The following GPC5 variants were observed in gnomAD, a reference collection of about 807,000 sequenced individuals.
GPC5 encodes the protein glypican 5.
In GPC5, 47 loss-of-function variants were observed where a neutral mutation model predicts 53.9. That is an observed-to-expected ratio of 0.87 (90% CI 0.69 to 1.11). The LOEUF (loss-of-function observed/expected upper bound fraction) is 1.11. GPC5 is among the 50% of genes most tolerant of loss of function. The pLI is 0.00. For missense variants in GPC5, 748 were observed against 713.1 expected, an observed-to-expected ratio of 1.05 and a Z score of -0.56; for synonymous variants, 286 against 263.3, an observed-to-expected ratio of 1.09 and a Z score of -0.84.
At chr13:92,738,827 ATATCACCCCCTTGAGAATT>A (rs1279910051) in intron 7 of GPC5, among the ~76,000 whole-genome samples, 1 of 152,086 alleles carries the variant, frequency 6.6e-6, no homozygotes, top group Non-Finnish European at 1.5e-5. Flanking sequence ...CATACGTTGC[ATATCACCCCCTTGAGAATT>A]TACATGCACA....
intron 6 of GPC5, among the ~76,000 whole-genome samples, chr13:92,069,501 A>C (rs1327193721): frequency 6.6e-6 from 1 of 151,882 alleles, no homozygotes; most frequent in Admixed American, 6.6e-5. Flanking sequence ...ATCTATATAC[A>C]AATGCTTTAT....
At position 91,514,334 on chromosome 13, in the gene GPC5, T is replaced by G. The variant is rs1885385279; in HGVS notation, c.325+65412T>G. ...TTGATGTCACTAATTTTATTCTAGC[T>G]AATTTGATAGGTCTACAGTGCTATC... On this transcript the variant is annotated intron_variant, in intron 2 of 7. Transcript: ENST00000377067. Among the ~76,000 whole-genome samples, 4 of 152,322 alleles carry G rather than the reference T, an allele frequency of 2.6e-5. No homozygotes were observed. The South Asian group carries it at 8.3e-4, about 32-fold the overall frequency.
At chr13:92,707,757 T>A (rs1279600285) in intron 7 of GPC5, among the ~76,000 whole-genome samples, 1 of 151,030 alleles carries the variant, frequency 6.6e-6, no homozygotes, top group African/African-American at 2.4e-5. Flanking sequence ...ATACAGTATA[T>A]CTGCTTGGAA....
At chr13:92,313,976 C>T (rs1369752422) in intron 7 of GPC5, among the ~76,000 whole-genome samples, 1 of 151,998 alleles carries the variant, frequency 6.6e-6, no homozygotes, top group Non-Finnish European at 1.5e-5. Context: ...GTCTTGAGGC[C>T]GGTTTCATCA....
intron 7 of GPC5, among the ~76,000 whole-genome samples, chr13:92,383,002 C>CAAAAA (rs57654180): frequency 3.2e-5 from 3 of 94,770 alleles, no homozygotes; most frequent in Non-Finnish European, 4.2e-5. Context: ...GACTCCGTCT[C>CAAAAA]AAAAAAAAAA....
At chr13:92,527,258 A>AGG (rs1881392292) in intron 7 of GPC5, among the ~76,000 whole-genome samples, 1 of 87,248 alleles carries the variant, frequency 1.1e-5, no homozygotes, top group South Asian at 3.5e-4. Flanking sequence ...AGAGAAAGAA[A>AGG]GAAAGAAAGA....
intron 5 of GPC5, among the ~76,000 whole-genome samples, chr13:91,903,970 A>G (rs2039525299): frequency 6.6e-6 from 1 of 151,882 alleles, no homozygotes; most frequent in African/African-American, 2.4e-5. Context: ...TTCATTGCCT[A>G]TATTATGTCT....
In GPC5 at chr13:91,765,572, C is replaced by A. The variant is rs141808764; in HGVS notation, c.1280+9152C>A. Among the ~76,000 whole-genome samples the A allele has an allele frequency of 7.2e-5, 11 of 152,156 alleles. No individual in the cohort carries two copies. The South Asian group carries it at 2.1e-3, about 29-fold the overall frequency. Reference sequence around the variant, plus strand: ...ATACTGCAATAGACCTTGAATGGAACGCAAAGTTATATGAGATATTTTCCC... The same window carrying A: ...ATACTGCAATAGACCTTGAATGGAAAGCAAAGTTATATGAGATATTTTCCC... On this transcript the variant is annotated intron_variant, in intron 5 of 7. Transcript: ENST00000377067.
chr13:92,183,944 C>T (rs1194658581), intron 7 of GPC5, among the ~76,000 whole-genome samples: 7 of 151,912 alleles, frequency 4.6e-5, no homozygotes, highest in Non-Finnish European at 8.8e-5. Context: ...TTTAATCCAA[C>T]CACTGATACT....
intron 7 of GPC5, among the ~76,000 whole-genome samples, chr13:92,171,881 T>C (rs2042073235): frequency 6.6e-6 from 1 of 152,208 alleles, no homozygotes; most frequent in Admixed American, 6.5e-5. Flanking sequence ...CTGCTTCCTA[T>C]CTTAATGACT....
At chr13:91,453,919 TTA>T (rs1482504047) in intron 2 of GPC5, among the ~76,000 whole-genome samples, 5 of 152,230 alleles carry the variant, frequency 3.3e-5, no homozygotes, top group Admixed American at 2.6e-4. Context: ...CATTATACTT[TTA>T]CTGGATCATT....
At chr13:91,738,587 T>A (rs1342228162) in intron 4 of GPC5, among the ~76,000 whole-genome samples, 3 of 151,418 alleles carry the variant, frequency 2.0e-5, no homozygotes, top group Non-Finnish European at 4.4e-5. Flanking sequence ...ATGTCTTTTT[T>A]AAAAATTCCT....
At chr13:91,783,641 C>T (rs2037833027) in intron 5 of GPC5, among the ~76,000 whole-genome samples, 1 of 151,980 alleles carries the variant, frequency 6.6e-6, no homozygotes, top group South Asian at 2.1e-4. Context: ...GGGGTTTCAC[C>T]ATGTTGGCCA....
intron 7 of GPC5, among the ~76,000 whole-genome samples, chr13:92,473,890 T>C (rs2139424815): frequency 6.6e-6 from 1 of 152,250 alleles, no homozygotes; most frequent in Non-Finnish European, 1.5e-5. Flanking sequence ...TGAACTTCCT[T>C]TGAACTCTGT....
intron 7 of GPC5, among the ~76,000 whole-genome samples, chr13:92,344,096 C>T (rs2043390040): frequency 2.8e-5 from 4 of 144,860 alleles, no homozygotes; most frequent in African/African-American, 1.0e-4. Flanking sequence ...CTAGAAATAC[C>T]TGAGACTGGG....
chr13:91,996,009 C>T (rs969137612), intron 6 of GPC5: 9 of 152,192 alleles, frequency 5.9e-5, no homozygotes, highest in South Asian at 2.1e-4. Flanking sequence ...GCAGTTCCCT[C>T]TTTGGGTTGT....
rs201603438 is a variant in GPC5 at position 92,145,008 on chromosome 13, C to T, written c.1561+19C>T. 232 of 1,353,800 alleles carry T rather than the reference C, an allele frequency of 1.7e-4. No homozygotes were observed. The Middle Eastern group carries it at 2.3e-3, about 14-fold the overall frequency. 83.9% of individuals were successfully genotyped at this position (1,353,800 alleles called of 1,614,324 possible). On this transcript the variant is annotated intron_variant, in intron 7 of 7. Transcript: ENST00000377067. Reference sequence around the variant, plus strand: ...ACAGACTGTAAGTGTATGATTCTAACACCACTTTTTTAAAACAATGATTTT... The same window carrying T: ...ACAGACTGTAAGTGTATGATTCTAATACCACTTTTTTAAAACAATGATTTT...
chr13:92,756,781 G>C (rs1365056556), intron 7 of GPC5, among the ~76,000 whole-genome samples: 5 of 149,590 alleles, frequency 3.3e-5, no homozygotes, highest in African/African-American at 7.4e-5. Flanking sequence ...CAAGGGATGT[G>C]AAGGACCTCT....
chr13:92,262,859 C>T (rs1049758731), intron 7 of GPC5, among the ~76,000 whole-genome samples: 6 of 152,144 alleles, frequency 3.9e-5, no homozygotes, highest in African/African-American at 1.4e-4. Context: ...CCTGTTAGCT[C>T]TTTCTCATCA....
Sources: gnomAD v4.1 joint callset for allele counts (sites outside exome capture counted in the v4.1 genomes callset) on GRCh38, gnomAD v4.1.1 for gene constraint, MANE v1.5 for transcripts, NCBI Gene and HGNC (gene_info 2026-07-23, HGNC 2026-07-21) for gene names.